SGPL1: variants seen among roughly 807,000 people sequenced by gnomAD.
SGPL1 encodes the protein sphingosine-1-phosphate lyase 1, also known as SP-lyase 1.
SGPL1 carries 37 observed loss-of-function variants against 68.9 expected under a neutral mutation model. That is an observed-to-expected ratio of 0.54 (90% CI 0.41 to 0.71). The LOEUF (loss-of-function observed/expected upper bound fraction) is 0.71, where lower values mean the gene tolerates loss of function less well. SGPL1 is among the 30% of genes least tolerant of loss of function. The pLI is 0.00. For missense variants in SGPL1, 551 were observed against 704.6 expected, an observed-to-expected ratio of 0.78 and a Z score of 2.47; for synonymous variants, 236 against 248.5, an observed-to-expected ratio of 0.95 and a Z score of 0.47.
In SGPL1 at chr10:70,880,639, G is replaced by A. The variant is rs954677834; in HGVS notation, c.*3304G>A. 1.3e-5 allele frequency: 2 copies of A among 152,268 alleles called. No homozygotes were observed. The highest frequency in any genetic ancestry group is 1.9e-4 in the East Asian group (1 of 5,184). The allele number at this position is 152,268 out of a possible 1,614,324, so 9.4% of individuals were successfully genotyped here. On this transcript the variant is annotated 3_prime_UTR_variant, in exon 15 of 15. Coordinates refer to ENST00000373202, the MANE Select transcript of SGPL1 (RefSeq NM_003901.4). ...TCTTATTCTATTATGAATAAGAAAC[G>A]AGAAGTTTTTCCAAAGTGTTAGTCA...
At chr10:70,816,589 T>C (rs1051237275) in intron 1 of SGPL1, among the ~76,000 whole-genome samples, 3 of 152,182 alleles carry the variant, frequency 2.0e-5, no homozygotes, top group Non-Finnish European at 4.4e-5. Flanking sequence ...TGTGGGAGTC[T>C]GGGTCTGGAT....
intron 2 of SGPL1, among the ~76,000 whole-genome samples, chr10:70,832,324 G>A (rs1011536781): frequency 1.3e-5 from 2 of 152,154 alleles, no homozygotes; most frequent in Non-Finnish European, 2.9e-5. Flanking sequence ...GAAATCTCTA[G>A]AGAAATAGCT....
intron 2 of SGPL1, among the ~76,000 whole-genome samples, chr10:70,819,898 C>T (rs2486838): frequency 0.045 from 6,857 of 152,170 alleles, 184 homozygotes; most frequent in East Asian, 0.13. Flanking sequence ...CTTGGCCTCC[C>T]AAAGTGCTGG....
intron 5 of SGPL1, chr10:70,857,408 GC>G (rs1293003010): frequency 2.0e-6 from 1 of 489,408 alleles, no homozygotes; most frequent in Admixed American, 3.4e-5. Flanking sequence ...TTTTCACATT[GC>G]TGATAATAAT....
intron 2 of SGPL1, among the ~76,000 whole-genome samples, chr10:70,823,342 G>A (rs1242668419): frequency 6.7e-6 from 1 of 148,154 alleles, no homozygotes; most frequent in African/African-American, 2.4e-5. Context: ...ATTCTAAGAT[G>A]CCATCATAGT....
chr10:70,855,290 T>A (rs1221326144), intron 5 of SGPL1, among the ~76,000 whole-genome samples: 1 of 152,262 alleles, frequency 6.6e-6, no homozygotes, highest in Non-Finnish European at 1.5e-5. Context: ...GCTGTCTATA[T>A]AGTTTACATC....
intron 2 of SGPL1, among the ~76,000 whole-genome samples, chr10:70,832,844 CTG>C (rs1462299201): frequency 6.6e-6 from 1 of 152,168 alleles, no homozygotes; most frequent in Admixed American, 6.5e-5. Flanking sequence ...GCTCTTATCT[CTG>C]TGTCCTTCAG....
At chr10:70,826,492 A>G (rs1394486511) in intron 2 of SGPL1, among the ~76,000 whole-genome samples, 1 of 152,276 alleles carries the variant, frequency 6.6e-6, no homozygotes, top group Non-Finnish European at 1.5e-5. Flanking sequence ...CTTGCCCTCC[A>G]TTTTAATTAA....
rs1019291243 is a variant in SGPL1, at chr10:70,817,029, GT to G, written c.27+156del. On this transcript the variant is annotated intron_variant, in intron 2 of 14. Coordinates refer to ENST00000373202, the MANE Select transcript of SGPL1 (RefSeq NM_003901.4). ...CTTTTATTTTGTTTTGTTTTGTTTT[GT>G]TTTTTTGGAGACGGAGTCTCACTCT... 99 of 883,302 alleles carry G rather than the reference GT, an allele frequency of 1.1e-4. 1 individual carries two copies. In the African/African-American group the frequency reaches 1.4e-3, roughly 12 times the overall value. The allele number at this position is 883,302 out of a possible 1,614,324, so 54.7% of individuals were successfully genotyped here.
intron 2 of SGPL1, among the ~76,000 whole-genome samples, chr10:70,818,177 A>G (rs1411770593): frequency 6.6e-6 from 1 of 152,056 alleles, no homozygotes; most frequent in East Asian, 1.9e-4. Flanking sequence ...CTGGAGTGCA[A>G]TGGCACAATC....
chr10:70,850,808 AG>A (rs572061482), intron 3 of SGPL1, among the ~76,000 whole-genome samples: 139 of 151,022 alleles, frequency 9.2e-4, no homozygotes, highest in African/African-American at 3.3e-3. Context: ...GTGCAAAAAA[AG>A]GGAGACAAAT....
chr10:70,823,680 T>C (rs1845382477), intron 2 of SGPL1, among the ~76,000 whole-genome samples: 1 of 148,032 alleles, frequency 6.8e-6, no homozygotes, highest in African/African-American at 2.5e-5. Flanking sequence ...AACAAAACAG[T>C]ACATATATAT....
chr10:70,864,608 T>C lies in SGPL1; in HGVS notation c.616-3737T>C, dbSNP rs528755392. Among the ~76,000 whole-genome samples the C allele has an allele frequency of 1.1e-3, 160 of 152,364 alleles. No homozygotes were observed. In the South Asian group the frequency reaches 0.012, roughly 11 times the overall value. ...AATTCATGTTCTTATGATATTTTCCTATAGTGAGAAAGTTATAAGGGGTTT... is the reference window on the plus strand; with the variant it reads ...AATTCATGTTCTTATGATATTTTCCCATAGTGAGAAAGTTATAAGGGGTTT... On this transcript the variant is annotated intron_variant, in intron 7 of 14. Coordinates refer to ENST00000373202, the MANE Select transcript of SGPL1 (RefSeq NM_003901.4).
At chr10:70,818,550 A>G (rs186464135) in intron 2 of SGPL1, among the ~76,000 whole-genome samples, 1 of 152,348 alleles carries the variant, frequency 6.6e-6, no homozygotes, top group African/African-American at 2.4e-5. Context: ...GAAACTGGCA[A>G]AAACTGGTAG....
At chr10:70,837,331 G>A (rs1377925860) in intron 2 of SGPL1, among the ~76,000 whole-genome samples, 1 of 152,088 alleles carries the variant, frequency 6.6e-6, no homozygotes, top group Non-Finnish European at 1.5e-5. Flanking sequence ...ACCCACCTCG[G>A]CCTCCCAGAG....
In SGPL1 at chr10:70,873,508, C is replaced by T. The variant is rs762860115; in HGVS notation, c.1217C>T (p.Ala406Val). The change falls in exon 12 of 15, where the codon GCT becomes GTT. Residue 406 changes from alanine to valine, a missense_variant. Ala to Val is a moderately conservative substitution (Grantham distance 64). Coordinates refer to ENST00000373202, the MANE Select transcript of SGPL1 (RefSeq NM_003901.4). The stretch of plus-strand genomic sequence containing the variant: ...GGTGGCATTAGCGCAGCCTGTTGGG[C>T]TGCCTTGATGCACTTCGGTGAGAAC... The part of the protein sequence containing the change: ...RPGGISAACW[A>V]ALMHFGENGY... 5.6e-6 allele frequency: 9 copies of T among 1,614,146 alleles called. No homozygotes were observed. Among genetic ancestry groups the T allele is most frequent in the African/African-American group, 1.3e-5 (1 of 74,954 alleles).
intron 2 of SGPL1, among the ~76,000 whole-genome samples, chr10:70,819,976 G>A (rs1845311529): frequency 6.6e-6 from 1 of 152,118 alleles, no homozygotes; most frequent in African/African-American, 2.4e-5. Context: ...CTGTTGAAGA[G>A]TATCTCTGGT....
At chr10:70,854,613 G>A in intron 4 of SGPL1, 95 bp from the exon 5 acceptor site, 1 of 1,024,434 alleles carries the variant, frequency 9.8e-7, no homozygotes, top group Non-Finnish European at 1.4e-6. Flanking sequence ...CTTGTGCGGT[G>A]CCTAGCATTG....
Position 70,868,240 on chromosome 10 carries a change from T to C in SGPL1, c.616-105T>C, listed in dbSNP as rs998616482. The stretch of plus-strand genomic sequence containing the variant: ...GGCAGTGTCTGCCTTGCAGCATGCA[T>C]CCAAGACCTTATCTGTTTCTGTATC... On this transcript the variant is annotated intron_variant, in intron 7 of 14. Transcript: ENST00000373202. The C allele has an allele frequency of 9.4e-6, 8 of 852,274 alleles. No individual in the cohort carries two copies. The Admixed American group carries it at 1.2e-4, about 13-fold the overall frequency. 52.8% of individuals were successfully genotyped at this position (852,274 alleles called of 1,614,324 possible).
Sources: gnomAD v4.1 joint callset for allele counts (sites outside exome capture counted in the v4.1 genomes callset) on GRCh38, gnomAD v4.1.1 for gene constraint, MANE v1.5 for transcripts, NCBI Gene and HGNC (gene_info 2026-07-23, HGNC 2026-07-21) for gene names.